MED13L: variants seen among roughly 807,000 people sequenced by gnomAD.
MED13L encodes the protein mediator of RNA polymerase II transcription subunit 13-like.
In MED13L, 7 loss-of-function variants were observed where a neutral mutation model predicts 220.9. The observed-to-expected ratio is 0.03, with a 90% confidence interval of 0.02 to 0.06. The LOEUF is 0.06. Among genes scored for constraint, MED13L ranks in the 10% least tolerant of loss-of-function variants. The probability of loss-of-function intolerance (pLI) is 1.00; values close to 1 mark genes in which losing one functional copy is unlikely to be tolerated. For synonymous variants in MED13L, 1,011 were observed against 1,015.2 expected (o/e 1.00, Z 0.08); for missense variants, 1,965 against 2,760.5 (o/e 0.71, Z 6.46).
intron 3 of MED13L, among the ~76,000 whole-genome samples, chr12:116,107,631 A>G (rs1288148678): frequency 2.6e-5 from 4 of 152,250 alleles, no homozygotes; most frequent in Admixed American, 6.5e-5. Context: ...TTCTCAATGT[A>G]GTAAATGAAA....
chr12:116,183,638 T>C (rs1880675413), intron 2 of MED13L, among the ~76,000 whole-genome samples: 1 of 152,192 alleles, frequency 6.6e-6, no homozygotes, highest in Non-Finnish European at 1.5e-5. Flanking sequence ...AGGTGAAATG[T>C]CATTTTTCAA....
At chr12:115,977,858 G>A (rs766233914) in intron 23 of MED13L, among the ~76,000 whole-genome samples, 5 of 152,088 alleles carry the variant, frequency 3.3e-5, no homozygotes, top group African/African-American at 1.2e-4. Context: ...AGCGAGGCAC[G>A]GTGGCACATG....
In MED13L at chr12:115,991,702, G is replaced by A. The variant is rs778197892; in HGVS notation, c.3252C>T (p.Ser1084=). The A allele has an allele frequency of 5.6e-6, 9 of 1,613,796 alleles. No individual in the cohort carries two copies. The highest frequency in any genetic ancestry group is 4.4e-5 in the South Asian group (4 of 91,066). Residue 1084 remains serine, a synonymous_variant, in exon 17 of 31, where the codon TCC becomes TCT. Transcript: ENST00000281928. The surrounding 1 kb of genome is among the most constrained non-coding windows in gnomAD (Gnocchi z 7.7). The part of the protein sequence containing the change: ...YDSTDQGSPA[S]TPSTTRPLNS... ...TGAGGGGCCGTGTAGTAGAGGGGGT[G>A]GAGGCTGGTGATCCTTGATCGGTGC...
At chr12:116,085,436 AAG>A (rs1288758751) in intron 4 of MED13L, among the ~76,000 whole-genome samples, 1 of 152,186 alleles carries the variant, frequency 6.6e-6, no homozygotes, top group Non-Finnish European at 1.5e-5. Context: ...AAGAATGGTG[AAG>A]AGACTATTTC....
chr12:116,174,265 G>A (rs1593128940), intron 2 of MED13L, among the ~76,000 whole-genome samples: 1 of 152,246 alleles, frequency 6.6e-6, no homozygotes, highest in South Asian at 2.1e-4. Flanking sequence ...CGTCACATAA[G>A]ATGCAAGGTT....
chr12:116,218,331 CT>C (rs1883121360), intron 2 of MED13L, among the ~76,000 whole-genome samples: 1 of 152,202 alleles, frequency 6.6e-6, no homozygotes, highest in African/African-American at 2.4e-5. Context: ...CCCACTCCTT[CT>C]AAATATAACA....
chr12:116,199,455 C>T (rs772499014), intron 2 of MED13L, among the ~76,000 whole-genome samples: 12 of 152,128 alleles, frequency 7.9e-5, no homozygotes, highest in Non-Finnish European at 1.6e-4. Context: ...AACACTAAGT[C>T]CTTATTTAGG....
intron 16 of MED13L, among the ~76,000 whole-genome samples, chr12:115,993,969 A>G (rs890945559): frequency 6.6e-6 from 1 of 152,194 alleles, no homozygotes; most frequent in African/African-American, 2.4e-5. Flanking sequence ...GCGAGCAGAG[A>G]CCACAGCAGG....
rs541614713 is a variant in MED13L at position 116,071,064 on chromosome 12, C to T, written c.479+25605G>A. Among the ~76,000 whole-genome samples the T allele has an allele frequency of 1.1e-4, 17 of 151,176 alleles. No homozygotes were observed. In the South Asian group the frequency reaches 1.7e-3, roughly 15 times the overall value. ...AAATATCAGTATTTTTAATGAATAA[C>T]GTAATAAATGTTCATTGAAGAAAAC... On this transcript the variant is annotated intron_variant, in intron 4 of 30. Coordinates refer to ENST00000281928, the MANE Select transcript of MED13L (RefSeq NM_015335.5).
At chr12:116,052,794 G>A (rs1868619095) in intron 4 of MED13L, among the ~76,000 whole-genome samples, 1 of 152,190 alleles carries the variant, frequency 6.6e-6, no homozygotes, top group South Asian at 2.1e-4. Flanking sequence ...GGTGCTGGGT[G>A]CCTAGAAGAT....
At chr12:116,191,437 T>C (rs1488262123) in intron 2 of MED13L, among the ~76,000 whole-genome samples, 2 of 151,890 alleles carry the variant, frequency 1.3e-5, no homozygotes, top group African/African-American at 4.8e-5. Flanking sequence ...TTCAAGCAAT[T>C]CTCCTGCCTC....
chr12:116,235,203 CT>C (rs1376615438), intron 2 of MED13L, among the ~76,000 whole-genome samples: 1 of 152,140 alleles, frequency 6.6e-6, no homozygotes, highest in Non-Finnish European at 1.5e-5. Context: ...TTTTCAACTA[CT>C]TTTACCTACA....
chr12:116,003,371 C>A (rs1342036081), intron 13 of MED13L, among the ~76,000 whole-genome samples: 1 of 152,058 alleles, frequency 6.6e-6, no homozygotes, highest in East Asian at 1.9e-4. Context: ...TCTTCCCTCC[C>A]AAGTCAATTT....
intron 2 of MED13L, among the ~76,000 whole-genome samples, chr12:116,229,694 C>T (rs974156282): frequency 2.0e-5 from 3 of 152,130 alleles, no homozygotes; most frequent in African/African-American, 7.2e-5. Flanking sequence ...TCTGAAAGAA[C>T]TGAGATTATG....
At chr12:116,148,570 G>T in intron 2 of MED13L, 1 of 300,966 alleles carries the variant, frequency 3.3e-6, no homozygotes, top group Non-Finnish European at 7.3e-6. Context: ...TTCTTTGCTT[G>T]TTTTATTTCT....
At chr12:116,100,759 T>C (rs984854921) in intron 3 of MED13L, among the ~76,000 whole-genome samples, 3 of 151,866 alleles carry the variant, frequency 2.0e-5, no homozygotes, top group African/African-American at 7.3e-5. Context: ...TTACAAAAAT[T>C]AGCTGGGTGT....
intron 7 of MED13L, among the ~76,000 whole-genome samples, chr12:116,015,963 A>G (rs367763583): frequency 2.0e-4 from 30 of 151,604 alleles, no homozygotes; most frequent in East Asian, 2.0e-3. Context: ...TTTCAAATAC[A>G]GTGGTTATAA....
chr12:116,096,786 T>C, intron 3 of MED13L, 34 bp from the exon 4 acceptor site: 2 of 1,523,096 alleles, frequency 1.3e-6, no homozygotes, highest in East Asian at 2.3e-5. Flanking sequence ...ACTTTTATAG[T>C]ATCAGTAACA....
Position 116,031,734 on chromosome 12 carries a change from A to G in MED13L, c.480-9133T>C, listed in dbSNP as rs1481886551. ...AGAAAAGAAAAGAAAAGAAAAGAAA[A>G]GAAAAGAAAAGAAAAGAAAAGAAAA... On this transcript the variant is annotated intron_variant, in intron 4 of 30. Transcript: ENST00000281928. 4.9e-4 allele frequency among the ~76,000 whole-genome samples: 37 copies of G among 76,158 alleles called. 2 individuals are homozygous for G. The highest frequency in any genetic ancestry group is 3.3e-3 in the Admixed American group (19 of 5,744). The allele number at this position is 76,158 out of a possible 152,430, so 50.0% of individuals were successfully genotyped here.
Sources: allele counts gnomAD v4.1 joint callset (sites outside exome capture counted in the v4.1 genomes callset), GRCh38; gene constraint gnomAD v4.1.1; non-coding constraint Gnocchi (gnomAD v3.1); transcripts MANE v1.5; gene names NCBI Gene and HGNC (gene_info 2026-07-23, HGNC 2026-07-21).